The following METTL4 variants were observed in gnomAD, a reference collection of about 807,000 sequenced individuals.
METTL4 encodes the protein methyltransferase 4, N6-adenosine.
Under a neutral mutation model 54.0 loss-of-function variants are expected in METTL4, and 40 were observed. The observed-to-expected ratio is 0.74, with a 90% CI of 0.58 to 0.96. METTL4 has a LOEUF of 0.96. Among genes scored for constraint, METTL4 ranks in the 50% least tolerant of loss-of-function variants. The probability of loss-of-function intolerance (pLI) is 0.00; values close to 1 mark genes in which losing one functional copy is unlikely to be tolerated. For synonymous variants in METTL4, 169 were observed against 183.8 expected (o/e 0.92, Z 0.65); for missense variants, 525 against 549.0 (o/e 0.96, Z 0.44).
chr18:2,558,167 T>C (rs2072265655), intron 3 of METTL4, among the ~76,000 whole-genome samples: 1 of 152,172 alleles, frequency 6.6e-6, no homozygotes. Flanking sequence ...ACAATACATA[T>C]TCTTCCCAAA....
At chr18:2,542,366 C>G (rs1424513167) in intron 8 of METTL4, among the ~76,000 whole-genome samples, 1 of 131,184 alleles carries the variant, frequency 7.6e-6, no homozygotes, top group Non-Finnish European at 1.6e-5. Context: ...CTCCCCCCAC[C>G]CCACAACAGT....
At chr18:2,553,988 A>G (rs1000504333) in intron 4 of METTL4, 1 of 152,190 alleles carries the variant, frequency 6.6e-6, no homozygotes, top group African/African-American at 2.4e-5. Flanking sequence ...GTAGTTGCTC[A>G]GTAACTTAAA....
At chr18:2,551,152 A>C (rs1365694522) in intron 5 of METTL4, among the ~76,000 whole-genome samples, 1 of 138,764 alleles carries the variant, frequency 7.2e-6, no homozygotes, top group Non-Finnish European at 1.5e-5. Flanking sequence ...CGACAGAACG[A>C]GACTCCGTCT....
Position 2,556,186 on chromosome 18 carries a change from C to T in METTL4, c.460-1148G>A, listed in dbSNP as rs148949813. ...AGATGAAATGACCCGAGGAAACAATCCTCAGGGCTCACCCAGGGCTGAGAA... is the reference window on the plus strand; with the variant it reads ...AGATGAAATGACCCGAGGAAACAATTCTCAGGGCTCACCCAGGGCTGAGAA... On this transcript the variant is annotated intron_variant, in intron 3 of 8. Transcript: ENST00000574538. Among the ~76,000 whole-genome samples, 139 of 152,252 alleles carry T rather than the reference C, an allele frequency of 9.1e-4. 2 individuals carry two copies. The Middle Eastern group carries it at 0.014, about 15-fold the overall frequency.
chr18:2,565,012 G>A (rs930858578), intron 2 of METTL4, among the ~76,000 whole-genome samples: 3 of 152,170 alleles, frequency 2.0e-5, no homozygotes, highest in Non-Finnish European at 2.9e-5. Context: ...AGGGGACTGG[G>A]CATGGTGGCT....
Position 2,538,660 on chromosome 18 carries a change from C to A in METTL4, c.*340G>T. ...ATGGTTCTAAGTGTTTTTTACAACACTGTATGGGTCACACAAAACACATCC... is the reference window on the plus strand; with the variant it reads ...ATGGTTCTAAGTGTTTTTTACAACAATGTATGGGTCACACAAAACACATCC... On this transcript the variant is annotated 3_prime_UTR_variant, in exon 9 of 9. Coordinates refer to ENST00000574538, the MANE Select transcript of METTL4 (RefSeq NM_022840.5). 5.0e-6 allele frequency: 1 copy of A among 200,306 alleles called. No homozygotes were observed. Among genetic ancestry groups the A allele is most frequent in the South Asian group, 1.4e-4 (1 of 7,178 alleles). The allele number at this position is 200,306 out of a possible 1,614,324, so 12.4% of individuals were successfully genotyped here.
At chr18:2,540,763 C>T (rs1057015345) in intron 8 of METTL4, 175 of 985,310 alleles carry the variant, frequency 1.8e-4, no homozygotes, top group Non-Finnish European at 2.1e-4. Context: ...CCTCACCAGC[C>T]TCAGTTCACT....
At chr18:2,546,534 G>A (rs2072072908) in intron 6 of METTL4, among the ~76,000 whole-genome samples, 1 of 152,010 alleles carries the variant, frequency 6.6e-6, no homozygotes, top group African/African-American at 2.4e-5. Context: ...TCCAGTAGAT[G>A]AAAAAGTATA....
chr18:2,542,351 C>A (rs530294097), intron 8 of METTL4, among the ~76,000 whole-genome samples: 1 of 118,044 alleles, frequency 8.5e-6, no homozygotes, highest in East Asian at 2.8e-4. Context: ...TGCTATCCCT[C>A]CCCCCTCCCC....
intron 1 of METTL4, among the ~76,000 whole-genome samples, chr18:2,569,732 G>T (rs376754565): frequency 7.0e-4 from 107 of 152,276 alleles, no homozygotes; most frequent in African/African-American, 2.5e-3. Context: ...GGAATTCAGG[G>T]CTTTCCCCAT....
chr18:2,558,210 T>C (rs2072266666), intron 3 of METTL4, among the ~76,000 whole-genome samples: 2 of 152,150 alleles, frequency 1.3e-5, no homozygotes, highest in Admixed American at 1.3e-4. Context: ...ATAACTCGTA[T>C]GCTGGGCCAT....
chr18:2,546,656 C>T (rs992857408), intron 6 of METTL4, among the ~76,000 whole-genome samples: 3 of 152,000 alleles, frequency 2.0e-5, no homozygotes, highest in South Asian at 2.1e-4. Context: ...TTTAGAAAGG[C>T]GTTTATAGAA....
rs1598350139 is a variant in METTL4, at chr18:2,554,955, T to C, written c.543A>G (p.Lys181=). ...KSGFLYPLFE[K]QDKGSKPITL... Reference sequence around the variant, plus strand: ...TAATGGGCTTACTACCCTTGTCCTGTTTTTCAAAAAGTGGATAAAGAAAAC... The same window carrying C: ...TAATGGGCTTACTACCCTTGTCCTGCTTTTCAAAAAGTGGATAAAGAAAAC... Residue 181 remains lysine (K), a synonymous_variant, in exon 4 of 9, where the codon AAA becomes AAG. Transcript: ENST00000574538. 6.2e-7 allele frequency: 1 copy of C among 1,613,968 alleles called. No individual in the cohort carries two copies. Among genetic ancestry groups the C allele is most frequent in the Non-Finnish European group, 8.5e-7 (1 of 1,179,930 alleles).
chr18:2,560,367 T>A lies in METTL4; in HGVS notation c.459+3430A>T, dbSNP rs1025140111. 3.3e-5 allele frequency among the ~76,000 whole-genome samples: 5 copies of A among 152,302 alleles called. No individual in the cohort carries two copies. The South Asian group carries it at 1.0e-3, about 32-fold the overall frequency. On this transcript the variant is annotated intron_variant, in intron 3 of 8. Transcript: ENST00000574538. The stretch of plus-strand genomic sequence containing the variant: ...GGTTCTATCAAACTTTATCAAACTT[T>A]TAAAGAACAAATTATCCCAATTATT...
intron 5 of METTL4, among the ~76,000 whole-genome samples, chr18:2,549,305 T>C (rs1188663153): frequency 6.6e-6 from 1 of 152,154 alleles, no homozygotes; most frequent in African/African-American, 2.4e-5. Context: ...ACTTCTCTAG[T>C]AGTTCTTTAC....
chr18:2,541,745 TAAA>T (rs11434085), intron 8 of METTL4, among the ~76,000 whole-genome samples: 1 of 148,376 alleles, frequency 6.7e-6, no homozygotes. Flanking sequence ...CAATTAAACT[TAAA>T]AAAAAAAAAT....
At chr18:2,569,824 T>C (rs1162110081) in intron 1 of METTL4, among the ~76,000 whole-genome samples, 1 of 152,202 alleles carries the variant, frequency 6.6e-6, no homozygotes, top group East Asian at 1.9e-4. Context: ...CCCAACACTT[T>C]CCACGACACT....
Position 2,554,789 on chromosome 18 carries a change from C to T in METTL4, c.709G>A (p.Val237Ile). ...GTAAAGCTAGAGTTGTTTTCAACAACTCGCAAAAATAAATCCTGTTCTGTA... is the reference window on the plus strand; with the variant it reads ...GTAAAGCTAGAGTTGTTTTCAACAATTCGCAAAAATAAATCCTGTTCTGTA... ...SVTEQDLFLR[V>I]VENNSSFTKV... Residue 237 changes from valine to isoleucine, a missense_variant, in exon 4 of 9, where the codon GTT (valine) becomes ATT (isoleucine). Physicochemically the swap from Val to Ile is conservative, Grantham distance 29. Coordinates refer to ENST00000574538, the MANE Select transcript of METTL4 (RefSeq NM_022840.5). The T allele has an allele frequency of 6.2e-7, 1 of 1,613,800 alleles. No homozygotes were observed. The highest frequency in any genetic ancestry group is 2.2e-5 in the East Asian group (1 of 44,838).
chr18:2,543,125 A>AAAAAAAG (rs2072019207), intron 8 of METTL4, among the ~76,000 whole-genome samples: 1 of 151,744 alleles, frequency 6.6e-6, no homozygotes, highest in African/African-American at 2.4e-5. Context: ...AAAAAAAAAA[A>AAAAAAAG]AAAAAAATTA....
Sources: allele counts gnomAD v4.1 joint callset (sites outside exome capture counted in the v4.1 genomes callset), GRCh38; gene constraint gnomAD v4.1.1; transcripts MANE v1.5; gene names NCBI Gene and HGNC (gene_info 2026-07-23, HGNC 2026-07-21).